The following MRPL39 variants were observed in gnomAD, a reference collection of about 807,000 sequenced individuals.
MRPL39 encodes mitochondrial ribosomal protein L39.
A neutral mutation model predicts 44.5 loss-of-function variants in MRPL39; 35 were observed. The ratio of observed to expected loss-of-function variants is 0.79; its 90% CI spans 0.60 to 1.04. The LOEUF (loss-of-function observed/expected upper bound fraction) is 1.04, where lower values mean the gene tolerates loss of function less well. Ranked by LOEUF, MRPL39 falls within the 50% of genes least tolerant of loss-of-function variation. The pLI is 0.00. For missense variants in MRPL39, 433 were observed against 413.5 expected (o/e 1.05, Z -0.41); for synonymous variants, 139 against 136.1 (o/e 1.02, Z -0.15).
chr21:25,607,609 G>T (rs2031735642), upstream of MRPL39: 1 of 860,270 alleles, frequency 1.2e-6, no homozygotes. Flanking sequence ...ACCGGGGGGC[G>T]TCAGGCCTCG....
At chr21:25,590,387 A>G (rs1386653507) in intron 8 of MRPL39, among the ~76,000 whole-genome samples, 1 of 152,094 alleles carries the variant, frequency 6.6e-6, no homozygotes, top group Non-Finnish European at 1.5e-5. Context: ...TGAGCTAAAA[A>G]AAAAAAAAAA....
At position 25,600,935 on chromosome 21, in the gene MRPL39, G is replaced by A. The variant is rs145802311; in HGVS notation, c.520+433C>T. 6.1e-3 allele frequency among the ~76,000 whole-genome samples: 927 copies of A among 152,184 alleles called. 11 individuals carry two copies. The highest frequency in any genetic ancestry group is 0.021 in the African/African-American group (864 of 41,508). ...ATCCTAGCTAACATGGTGAAACCCC[G>A]TCTCTACTAAAAATACAGAAAAATT... On this transcript the variant is annotated intron_variant, in intron 4 of 9. Transcript: ENST00000352957.
At chr21:25,591,988 G>T (rs1475528633) in intron 8 of MRPL39, among the ~76,000 whole-genome samples, 1 of 152,206 alleles carries the variant, frequency 6.6e-6, no homozygotes, top group Non-Finnish European at 1.5e-5. Flanking sequence ...CAATAAGAAT[G>T]AATGAACTAC....
intron 8 of MRPL39, among the ~76,000 whole-genome samples, 179 bp downstream of exon 8, chr21:25,592,633 A>T (rs1046987360): frequency 6.6e-6 from 1 of 152,158 alleles, no homozygotes; most frequent in Non-Finnish European, 1.5e-5. Context: ...TTCTTTTGTA[A>T]TTGTATATTT....
At chr21:25,605,242 T>C (rs11087966) in intron 2 of MRPL39, among the ~76,000 whole-genome samples, 8,200 of 152,288 alleles carry the variant, frequency 0.054, 508 homozygotes, top group East Asian at 0.15. Context: ...AATTTAAATA[T>C]TACCAGTTCT....
chr21:25,599,971 C>G, intron 4 of MRPL39, 105 bp from the exon 5 acceptor site: 1 of 775,642 alleles, frequency 1.3e-6, no homozygotes, highest in South Asian at 1.7e-5. Context: ...TTAGCACTCT[C>G]TCCCAACTCT....
chr21:25,604,245 C>T (rs2014880), intron 2 of MRPL39, among the ~76,000 whole-genome samples: 106,058 of 151,842 alleles, frequency 0.7, 38,435 homozygotes, highest in Non-Finnish European at 0.81. Flanking sequence ...GGTGACAGAG[C>T]GAGACTCTGT....
chr21:25,592,343 G>C (rs1423481343), intron 8 of MRPL39, among the ~76,000 whole-genome samples: 2 of 152,098 alleles, frequency 1.3e-5, no homozygotes, highest in Non-Finnish European at 2.9e-5. Flanking sequence ...ACCAAGTAAA[G>C]GTACATGGGA....
intron 2 of MRPL39, among the ~76,000 whole-genome samples, chr21:25,604,850 A>C (rs2031617553): frequency 6.6e-6 from 1 of 152,212 alleles, no homozygotes; most frequent in South Asian, 2.1e-4. Flanking sequence ...GTTCAATAAC[A>C]GTTTACTGAA....
At chr21:25,600,953 G>C (rs1405988074) in intron 4 of MRPL39, among the ~76,000 whole-genome samples, 6 of 151,962 alleles carry the variant, frequency 3.9e-5, no homozygotes, top group Non-Finnish European at 8.8e-5. Context: ...TAAAAATACA[G>C]AAAAATTAGC....
At chr21:25,595,167 C>G (rs907369116) in intron 6 of MRPL39, among the ~76,000 whole-genome samples, 1 of 152,162 alleles carries the variant, frequency 6.6e-6, no homozygotes, top group African/African-American at 2.4e-5. Flanking sequence ...TGTAGGTGCA[C>G]CACAGGTGTA....
chr21:25,596,111 T>C (rs888886076), intron 6 of MRPL39, among the ~76,000 whole-genome samples: 4 of 152,142 alleles, frequency 2.6e-5, no homozygotes, highest in Non-Finnish European at 5.9e-5. Flanking sequence ...TTTTTTTTTT[T>C]TTTTTGAGAC....
At chr21:25,607,561 G>A, upstream of MRPL39, 1 of 1,381,842 alleles carries the variant, frequency 7.2e-7, no homozygotes. Context: ...CCGCAGGACA[G>A]GTCTGTTCCG....
intron 6 of MRPL39, among the ~76,000 whole-genome samples, chr21:25,595,804 G>C (rs2123238322): frequency 6.6e-6 from 1 of 152,142 alleles, no homozygotes; most frequent in South Asian, 2.1e-4. Context: ...AAATTATACA[G>C]ATGTCTCATA....
At chr21:25,596,338 T>C (rs2031358972) in intron 6 of MRPL39, among the ~76,000 whole-genome samples, 1 of 152,254 alleles carries the variant, frequency 6.6e-6, no homozygotes, top group African/African-American at 2.4e-5. Flanking sequence ...GACCTCGTGA[T>C]CTGCCCGCCT....
At chr21:25,605,622 T>C (rs2031639759) in intron 2 of MRPL39, among the ~76,000 whole-genome samples, 1 of 152,142 alleles carries the variant, frequency 6.6e-6, no homozygotes, top group African/African-American at 2.4e-5. Flanking sequence ...TCCCACCACA[T>C]CACAGCCCTA....
chr21:25,597,903 T>C (rs1456972439), intron 5 of MRPL39, among the ~76,000 whole-genome samples: 1 of 152,146 alleles, frequency 6.6e-6, no homozygotes, highest in Non-Finnish European at 1.5e-5. Flanking sequence ...AAGTATAGCA[T>C]GTCCAATATT....
intron 1 of MRPL39, 109 bp downstream of exon 1, chr21:25,607,294 T>A (rs2031710953): frequency 8.3e-7 from 1 of 1,206,014 alleles, no homozygotes; most frequent in Non-Finnish European, 1.2e-6. Flanking sequence ...TAAGAAACCC[T>A]CCTCCTTCCT....
chr21:25,588,211 C>G (rs563245324), intron 9 of MRPL39, among the ~76,000 whole-genome samples: 24 of 152,074 alleles, frequency 1.6e-4, no homozygotes, highest in Admixed American at 1.6e-3. Flanking sequence ...ACTTGGGAGG[C>G]TGAGGCACGA....
Sources: gnomAD v4.1 joint callset for allele counts (sites outside exome capture counted in the v4.1 genomes callset) on GRCh38, gnomAD v4.1.1 for gene constraint, MANE v1.5 for transcripts, NCBI Gene and HGNC (gene_info 2026-07-23, HGNC 2026-07-21) for gene names.